Variants in MYLK3 observed in about 807,000 individuals in gnomAD.
MYLK3 encodes the protein myosin light chain kinase 3, also known as MLC kinase.
Under a neutral mutation model 76.3 loss-of-function variants are expected in MYLK3, and 55 were observed. The observed-to-expected ratio is 0.72, with a 90% CI of 0.58 to 0.90. The LOEUF (loss-of-function observed/expected upper bound fraction) is 0.90, where lower values mean the gene tolerates loss of function less well. MYLK3 is among the 40% of genes least tolerant of loss of function. The pLI is 0.00. For missense variants in MYLK3, 973 were observed against 1,053.6 expected, an observed-to-expected ratio of 0.92 and a Z score of 1.06; for synonymous variants, 416 against 425.4, an observed-to-expected ratio of 0.98 and a Z score of 0.27.
chr16:46,710,559 C>T lies in MYLK3; in HGVS notation c.2267+78G>A, dbSNP rs1362022344. ...TTGTCCACAGGAAGAAGGACCTTCA[C>T]GGTCAGCAGTCCTGCCCAGCTCCCA... On this transcript the variant is annotated intron_variant, in intron 11 of 12. Coordinates refer to ENST00000394809, the MANE Select transcript of MYLK3 (RefSeq NM_182493.3). 1.0e-5 allele frequency: 15 copies of T among 1,505,330 alleles called. No homozygotes were observed. In the East Asian group the frequency reaches 1.1e-4, roughly 11 times the overall value. The allele number at this position is 1,505,330 out of a possible 1,614,324, so 93.2% of individuals were successfully genotyped here.
intron 8 of MYLK3, chr16:46,726,408 T>C (rs1567284629): frequency 6.6e-6 from 1 of 151,658 alleles, no homozygotes; most frequent in Non-Finnish European, 1.5e-5. Flanking sequence ...CTTGTCTCTA[T>C]ACAAAATACA....
intron 10 of MYLK3, chr16:46,710,993 C>G (rs1966678073): frequency 1.7e-6 from 1 of 602,128 alleles, no homozygotes; most frequent in Admixed American, 3.0e-5. Flanking sequence ...AATTTGGAGG[C>G]AAGAAGAATT....
chr16:46,729,022 A>T lies in MYLK3; in HGVS notation c.1772+2T>A, dbSNP rs1369418137. 2 of 1,612,728 alleles carry T rather than the reference A, an allele frequency of 1.2e-6. No individual in the cohort carries two copies. The highest frequency in any genetic ancestry group is 1.7e-6 in the Non-Finnish European group (2 of 1,178,762). Reference sequence around the variant, plus strand: ...GGCGGCCGCCCCGCCTCTGATACTCACTACTCCATGACAAGGGTGCAGCTG... The same window carrying T: ...GGCGGCCGCCCCGCCTCTGATACTCTCTACTCCATGACAAGGGTGCAGCTG... On this transcript the variant is annotated splice_donor_variant, in intron 7 of 12. Transcript: ENST00000394809. LOFTEE classifies it high-confidence loss of function.
chr16:46,755,336 T>C (rs1420390653), intron 1 of MYLK3, among the ~76,000 whole-genome samples: 1 of 152,048 alleles, frequency 6.6e-6, no homozygotes, highest in Non-Finnish European at 1.5e-5. Context: ...TGGGTGCCTG[T>C]AATCCCAGCT....
At chr16:46,709,120 T>C (rs866537403) in intron 12 of MYLK3, among the ~76,000 whole-genome samples, 1 of 152,170 alleles carries the variant, frequency 6.6e-6, no homozygotes, top group Admixed American at 6.6e-5. Context: ...AATCAAAATG[T>C]AAGTAAAACC....
chr16:46,727,120 G>A (rs1966844235), intron 8 of MYLK3, 116 bp downstream of exon 8: 9 of 1,227,748 alleles, frequency 7.3e-6, no homozygotes, highest in Non-Finnish European at 9.0e-6. Flanking sequence ...ACTACAAAAT[G>A]ACAGAGAGCC....
intron 9 of MYLK3, among the ~76,000 whole-genome samples, chr16:46,716,643 T>G (rs938765256): frequency 2.0e-5 from 3 of 152,074 alleles, no homozygotes; most frequent in Admixed American, 2.0e-4. Flanking sequence ...TTCTTTCACC[T>G]GCCCAAGGCA....
chr16:46,715,742 A>G (rs1450206504), intron 9 of MYLK3, among the ~76,000 whole-genome samples: 1 of 152,176 alleles, frequency 6.6e-6, no homozygotes, highest in African/African-American at 2.4e-5. Flanking sequence ...GGAGATCCTG[A>G]TATCAGAGAA....
chr16:46,739,916 G>A (rs1966901569), intron 2 of MYLK3, 141 bp downstream of exon 2: 5 of 627,890 alleles, frequency 8.0e-6, no homozygotes, highest in Non-Finnish European at 1.4e-5. Context: ...GGATATATAT[G>A]ACAAAAAACC....
chr16:46,710,266 C>T (rs1207970567), intron 11 of MYLK3, among the ~76,000 whole-genome samples: 3 of 152,176 alleles, frequency 2.0e-5, no homozygotes, highest in South Asian at 2.1e-4. Flanking sequence ...TTGATATAGA[C>T]GCTGAAGCCT....
chr16:46,719,326 C>CAAAAAA (rs1187916313), intron 9 of MYLK3, among the ~76,000 whole-genome samples: 1 of 83,038 alleles, frequency 1.2e-5, no homozygotes, highest in African/African-American at 4.5e-5. Context: ...GACTCGGTCT[C>CAAAAAA]AAAAAAAAAA....
intron 1 of MYLK3, among the ~76,000 whole-genome samples, chr16:46,755,971 G>C (rs978612899): frequency 7.1e-6 from 1 of 141,132 alleles, no homozygotes; most frequent in African/African-American, 2.6e-5. Context: ...GCAGTGGCGC[G>C]ATCTTGGCTC....
chr16:46,747,512 TCC>T (rs1353146956), intron 1 of MYLK3, among the ~76,000 whole-genome samples: 20 of 152,202 alleles, frequency 1.3e-4, no homozygotes, highest in Non-Finnish European at 5.9e-5. Flanking sequence ...CCCCGCTTCT[TCC>T]CTTCCCTGGG....
Position 46,742,742 on chromosome 16 carries a change from G to A in MYLK3, c.478-2595C>T, listed in dbSNP as rs370593546. On this transcript the variant is annotated intron_variant, in intron 1 of 12. Coordinates refer to ENST00000394809, the MANE Select transcript of MYLK3 (RefSeq NM_182493.3). ...CATGGAGAACACACAGCCCAGCACCGGCGTGGGGGAGGCACTTCATCAAAA... is the reference window on the plus strand; with the variant it reads ...CATGGAGAACACACAGCCCAGCACCAGCGTGGGGGAGGCACTTCATCAAAA... 3.9e-5 allele frequency among the ~76,000 whole-genome samples: 6 copies of A among 152,290 alleles called. No individual in the cohort carries two copies. The East Asian group carries it at 5.8e-4, about 15-fold the overall frequency.
intron 10 of MYLK3, among the ~76,000 whole-genome samples, 174 bp downstream of exon 10, chr16:46,712,472 CAT>C (rs955360062): frequency 1.4e-4 from 21 of 152,284 alleles, no homozygotes; most frequent in African/African-American, 5.1e-4. Flanking sequence ...GGCTTGATAA[CAT>C]ACCCTTCCCT....
chr16:46,717,446 C>T (rs1966753645), intron 9 of MYLK3, among the ~76,000 whole-genome samples: 1 of 152,154 alleles, frequency 6.6e-6, no homozygotes, highest in Non-Finnish European at 1.5e-5. Context: ...CCAGGTAAGA[C>T]TCTGTGGCCT....
chr16:46,710,135 T>C (rs111611683), intron 11 of MYLK3, among the ~76,000 whole-genome samples: 1,818 of 152,300 alleles, frequency 0.012, 21 homozygotes, highest in African/African-American at 0.03. Context: ...GTCAGGGAAA[T>C]ACAAGCTGTC....
Position 46,732,219 on chromosome 16 carries a change from C to G in MYLK3, c.1451G>C (p.Ser484Thr). The G allele has an allele frequency of 6.3e-7, 1 of 1,585,228 alleles. No homozygotes were observed. The highest frequency in any genetic ancestry group is 2.2e-5 in the East Asian group (1 of 44,566). Residue 484 changes from serine to threonine, a missense_variant, in exon 4 of 13, where the codon AGC becomes ACC. Transcript: ENST00000394809. The part of the protein sequence containing the change: ...RRMPPGAEAG[S>T]VVLDDSPAPP... ...ACAGCCCCACTTACCCAGAACCACG[C>G]TGCCAGCCTCGGCGCCTGGGGGCAT...
intron 3 of MYLK3, among the ~76,000 whole-genome samples, chr16:46,733,340 G>A (rs150950697): frequency 5.8e-4 from 88 of 152,300 alleles, no homozygotes; most frequent in African/African-American, 2.1e-3. Flanking sequence ...GGGCGACAGA[G>A]TGAGAGACCC....
Sources: gnomAD v4.1 joint callset for allele counts (sites outside exome capture counted in the v4.1 genomes callset) on GRCh38, gnomAD v4.1.1 for gene constraint, MANE v1.5 for transcripts, NCBI Gene and HGNC (gene_info 2026-07-23, HGNC 2026-07-21) for gene names.